MTMR2: variants seen among roughly 807,000 people sequenced by gnomAD.
MTMR2 encodes phosphatidylinositol-3,5-bisphosphate 3-phosphatase MTMR2.
Under a neutral mutation model 86.9 loss-of-function variants are expected in MTMR2, and 55 were observed. The observed-to-expected ratio is 0.63, with a 90% confidence interval of 0.51 to 0.79. The LOEUF (loss-of-function observed/expected upper bound fraction) is 0.79, where lower values mean the gene tolerates loss of function less well. Ranked by LOEUF, MTMR2 falls within the 30% of genes least tolerant of loss-of-function variation. The pLI is 0.00. For missense variants in MTMR2, 659 were observed against 772.3 expected (o/e 0.85, Z 1.74); for synonymous variants, 241 against 266.8 (o/e 0.90, Z 0.94).
At chr11:95,900,128 C>T (rs1008957487) in intron 1 of MTMR2, among the ~76,000 whole-genome samples, 4 of 152,028 alleles carry the variant, frequency 2.6e-5, no homozygotes. Context: ...TATAGAAGAG[C>T]GAGCAGGTTT....
At chr11:95,915,011 T>C (rs1866647079) in intron 1 of MTMR2, among the ~76,000 whole-genome samples, 1 of 152,224 alleles carries the variant, frequency 6.6e-6, no homozygotes, top group Non-Finnish European at 1.5e-5. Flanking sequence ...CTATTTATAT[T>C]ATTGTTGTGT....
chr11:95,836,424 T>C, intron 13 of MTMR2, 100 bp from the exon 14 acceptor site: 1 of 1,156,244 alleles, frequency 8.6e-7, no homozygotes, highest in Non-Finnish European at 1.3e-6. Flanking sequence ...TAAAATCTCT[T>C]TAGAGGAAGT....
intron 1 of MTMR2, among the ~76,000 whole-genome samples, chr11:95,916,654 TA>T (rs11404022): frequency 1.4e-3 from 200 of 144,878 alleles, no homozygotes; most frequent in Middle Eastern, 6.9e-3. Flanking sequence ...AAGTAGAACT[TA>T]AAAAAAAAAA....
chr11:95,853,332 TC>T (rs1407504179), intron 7 of MTMR2, among the ~76,000 whole-genome samples: 1 of 152,024 alleles, frequency 6.6e-6, no homozygotes, highest in Non-Finnish European at 1.5e-5. Flanking sequence ...TTTTTTCAAT[TC>T]TTACCACCAC....
rs1415573564 is a variant in MTMR2, at chr11:95,913,560, T to C, written c.80+10315A>G. On this transcript the variant is annotated intron_variant, in intron 1 of 14. Coordinates refer to ENST00000346299, the MANE Select transcript of MTMR2 (RefSeq NM_016156.6). Reference sequence around the variant, plus strand: ...AGTTAAATGTTCACCAAGTTCACAGTTGACTGAAATACATAGGTGGTCCTC... The same window carrying C: ...AGTTAAATGTTCACCAAGTTCACAGCTGACTGAAATACATAGGTGGTCCTC... Among the ~76,000 whole-genome samples the C allele has an allele frequency of 5.3e-5, 8 of 152,256 alleles. No individual in the cohort carries two copies. The South Asian group carries it at 1.4e-3, about 28-fold the overall frequency.
intron 12 of MTMR2, 93 bp downstream of exon 12, chr11:95,841,524 A>C (rs1863544530): frequency 1.1e-6 from 1 of 891,962 alleles, no homozygotes; most frequent in Non-Finnish European, 1.9e-6. Flanking sequence ...ATTTCCATTT[A>C]ATGATCTATA....
At chr11:95,851,655 A>G (rs1864028051) in intron 7 of MTMR2, among the ~76,000 whole-genome samples, 1 of 152,220 alleles carries the variant, frequency 6.6e-6, no homozygotes, top group African/African-American at 2.4e-5. Context: ...TGACTGGATG[A>G]TTGACTTTGT....
At chr11:95,890,155 C>T (rs1421718177) in intron 1 of MTMR2, among the ~76,000 whole-genome samples, 1 of 152,128 alleles carries the variant, frequency 6.6e-6, no homozygotes, top group African/African-American at 2.4e-5. Context: ...CATAGTATTT[C>T]CAACAACCTA....
intron 1 of MTMR2, among the ~76,000 whole-genome samples, chr11:95,898,442 C>T (rs1865954838): frequency 6.6e-6 from 1 of 151,932 alleles, no homozygotes; most frequent in Admixed American, 6.6e-5. Flanking sequence ...AAATATGACC[C>T]TTGCTGTTGT....
intron 1 of MTMR2, among the ~76,000 whole-genome samples, chr11:95,923,426 A>C (rs943649106): frequency 2.0e-5 from 3 of 152,142 alleles, no homozygotes; most frequent in African/African-American, 7.2e-5. Context: ...AAAAGAGAGA[A>C]AAGGGCTGGG....
chr11:95,891,408 ACCACTGCACT>A (rs538330462), intron 1 of MTMR2, among the ~76,000 whole-genome samples: 168 of 151,600 alleles, frequency 1.1e-3, no homozygotes, highest in Non-Finnish European at 1.4e-3. Context: ...CTGAGATCAT[ACCACTGCACT>A]CCAGCCTGGG....
intron 6 of MTMR2, 44 bp downstream of exon 6, chr11:95,858,487 C>T (rs981428003): frequency 9.0e-6 from 12 of 1,327,692 alleles, no homozygotes; most frequent in Non-Finnish European, 1.3e-5. Flanking sequence ...TATACGACAT[C>T]AATAATTATA....
At chr11:95,911,331 G>A (rs1250269645) in intron 1 of MTMR2, among the ~76,000 whole-genome samples, 1 of 152,158 alleles carries the variant, frequency 6.6e-6, no homozygotes. Context: ...AGCAGAGTCT[G>A]AACAACCAGT....
In MTMR2 at chr11:95,882,889, ATTTTTTTTTTTTTT is replaced by A. The variant is rs776661875; in HGVS notation, c.186+5253_186+5266del. 1.0e-3 allele frequency among the ~76,000 whole-genome samples: 78 copies of A among 76,078 alleles called. 1 individual carries two copies. The highest frequency in any genetic ancestry group is 0.017 in the Middle Eastern group (2 of 118). 49.9% of individuals were successfully genotyped at this position (76,078 alleles called of 152,430 possible). On this transcript the variant is annotated intron_variant, in intron 2 of 14. Transcript: ENST00000346299. ...AGGCGCCCGCCACCACATCCAGCTA[ATTTTTTTTTTTTTT>A]TTTTTTTTTTTTTTTTTGTATTTTT...
intron 3 of MTMR2, among the ~76,000 whole-genome samples, chr11:95,864,276 G>A (rs1333064911): frequency 6.6e-6 from 1 of 152,078 alleles, no homozygotes; most frequent in Non-Finnish European, 1.5e-5. Context: ...GTATACAGGA[G>A]GGAAAAGGGA....
intron 2 of MTMR2, among the ~76,000 whole-genome samples, chr11:95,867,651 C>A (rs762921147): frequency 6.6e-6 from 1 of 152,044 alleles, no homozygotes; most frequent in Non-Finnish European, 1.5e-5. Flanking sequence ...TGTATATAAA[C>A]AACTAATTCT....
intron 1 of MTMR2, among the ~76,000 whole-genome samples, chr11:95,903,306 C>G (rs1866141857): frequency 6.6e-6 from 1 of 152,184 alleles, no homozygotes; most frequent in South Asian, 2.1e-4. Flanking sequence ...TCCAGAGTAC[C>G]TATTTCATGT....
intron 1 of MTMR2, among the ~76,000 whole-genome samples, chr11:95,899,252 G>A (rs538168889): frequency 7.1e-4 from 108 of 152,210 alleles, no homozygotes; most frequent in Non-Finnish European, 1.4e-3. Flanking sequence ...TTTAGCAGCT[G>A]ACTTGACCTG....
chr11:95,845,752 C>T (rs1032271060), intron 10 of MTMR2, among the ~76,000 whole-genome samples: 1 of 151,956 alleles, frequency 6.6e-6, no homozygotes, highest in East Asian at 1.9e-4. Context: ...CTTAAAATAA[C>T]TTCAGCTCTT....
Sources: allele counts gnomAD v4.1 joint callset (sites outside exome capture counted in the v4.1 genomes callset), GRCh38; gene constraint gnomAD v4.1.1; transcripts MANE v1.5; gene names NCBI Gene and HGNC (gene_info 2026-07-23, HGNC 2026-07-21).